Variants in SV2B observed in about 807,000 individuals in gnomAD.
SV2B encodes solute carrier family 22 member B2.
Under a neutral mutation model 73.9 loss-of-function variants are expected in SV2B, and 41 were observed. That is an observed-to-expected ratio of 0.56 (90% CI 0.43 to 0.72). The LOEUF is 0.72. Among genes scored for constraint, SV2B ranks in the 30% least tolerant of loss-of-function variants. The pLI is 0.00. For missense variants in SV2B, 764 were observed against 857.8 expected (o/e 0.89, Z 1.37); for synonymous variants, 314 against 314.2 (o/e 1.00, Z 0.01).
chr15:91,143,296 T>C (rs2043050536), intron 1 of SV2B, among the ~76,000 whole-genome samples: 3 of 152,214 alleles, frequency 2.0e-5, no homozygotes, highest in South Asian at 2.1e-4. Context: ...TCAGTATGTC[T>C]AGAACGGCTC....
chr15:91,120,899 C>T (rs1447715612), intron 1 of SV2B, among the ~76,000 whole-genome samples: 1 of 151,782 alleles, frequency 6.6e-6, no homozygotes, highest in Non-Finnish European at 1.5e-5. Context: ...TCTTTAAATT[C>T]AATATCTCAT....
chr15:91,210,855 C>T (rs1305743864), intron 1 of SV2B, among the ~76,000 whole-genome samples: 1 of 152,194 alleles, frequency 6.6e-6, no homozygotes, highest in Non-Finnish European at 1.5e-5. Context: ...GTCTACTGTT[C>T]TTAGGCTTAT....
At chr15:91,142,766 A>G (rs1488342141) in intron 1 of SV2B, among the ~76,000 whole-genome samples, 1 of 152,210 alleles carries the variant, frequency 6.6e-6, no homozygotes, top group Non-Finnish European at 1.5e-5. Context: ...TTAAAAACCT[A>G]TATTCTTTGC....
chr15:91,212,941 G>C (rs566144580), intron 1 of SV2B, among the ~76,000 whole-genome samples: 1 of 150,188 alleles, frequency 6.7e-6, no homozygotes, highest in East Asian at 1.9e-4. Context: ...AGGAGTTTGA[G>C]ACCAGCCTGG....
chr15:91,134,026 T>C lies in SV2B; in HGVS notation c.-392+33663T>C, dbSNP rs1414384888. Among the ~76,000 whole-genome samples the C allele has an allele frequency of 6.9e-5, 10 of 145,002 alleles. 1 individual carries two copies. The highest frequency in any genetic ancestry group is 6.8e-4 in the Admixed American group (10 of 14,746). On this transcript the variant is annotated intron_variant, in intron 1 of 12. Transcript: ENST00000394232. Reference sequence around the variant, plus strand: ...TTCCTTTTTTTTTTTTGAGATGGAGTCTTGCTCTGTCTCCTAGGCTGGAGT... The same window carrying C: ...TTCCTTTTTTTTTTTTGAGATGGAGCCTTGCTCTGTCTCCTAGGCTGGAGT...
chr15:91,161,700 G>A (rs2043724409), intron 1 of SV2B, among the ~76,000 whole-genome samples: 2 of 152,136 alleles, frequency 1.3e-5, no homozygotes, highest in Admixed American at 1.3e-4. Flanking sequence ...GCGCTAAGTG[G>A]CAGAGCCAGG....
chr15:91,201,412 G>C (rs186037822), intron 1 of SV2B, among the ~76,000 whole-genome samples: 5 of 152,362 alleles, frequency 3.3e-5, no homozygotes, highest in Admixed American at 3.3e-4. Context: ...AGATGAGAAT[G>C]ATGAAGCCCA....
intron 1 of SV2B, among the ~76,000 whole-genome samples, chr15:91,138,780 T>C (rs139313805): frequency 4.6e-5 from 7 of 152,268 alleles, no homozygotes; most frequent in Admixed American, 3.9e-4. Flanking sequence ...CATCCATGGG[T>C]TTTGTTACCT....
intron 6 of SV2B, among the ~76,000 whole-genome samples, chr15:91,263,954 T>G (rs1209799880): frequency 6.6e-6 from 1 of 152,254 alleles, no homozygotes; most frequent in African/African-American, 2.4e-5. Context: ...GAGAGTGTCT[T>G]TCTGGGATTT....
Position 91,139,904 on chromosome 15 carries a change from T to G in SV2B, c.-392+39541T>G, listed in dbSNP as rs1406690142. On this transcript the variant is annotated intron_variant, in intron 1 of 12. Coordinates refer to ENST00000394232, the MANE Select transcript of SV2B (RefSeq NM_001323032.3). The surrounding 1 kb of genome is among the most constrained non-coding windows in gnomAD (Gnocchi z 5.2). ...AGGAAGGGAGGAAGATCCGGCCACTTTGTTCCTAGAGTTTGGTGAGAGTGA... is the reference window on the plus strand; with the variant it reads ...AGGAAGGGAGGAAGATCCGGCCACTGTGTTCCTAGAGTTTGGTGAGAGTGA... Among the ~76,000 whole-genome samples, 1 of 152,210 alleles carries G rather than the reference T, an allele frequency of 6.6e-6. No individual in the cohort carries two copies. The highest frequency in any genetic ancestry group is 6.5e-5 in the Admixed American group (1 of 15,276).
In SV2B at chr15:91,147,275, C is replaced by T. The variant is rs551802998; in HGVS notation, c.-392+46912C>T. Among the ~76,000 whole-genome samples the T allele has an allele frequency of 6.6e-5, 10 of 152,354 alleles. No individual in the cohort carries two copies. The South Asian group carries it at 2.1e-3, about 32-fold the overall frequency. On this transcript the variant is annotated intron_variant, in intron 1 of 12. Transcript: ENST00000394232. ...TCAAAGCCTACCACCTAGAATTACA[C>T]TATCCCTTCCTGCAGGTCCTTCTGA... is the stretch of plus-strand genomic sequence containing the variant.
chr15:91,157,803 C>G (rs549283389), intron 1 of SV2B, among the ~76,000 whole-genome samples: 7 of 152,308 alleles, frequency 4.6e-5, no homozygotes, highest in Admixed American at 3.9e-4. Context: ...GTGTATTAGT[C>G]TGGCATTCAG....
At chr15:91,153,952 T>TA (rs2043400317) in intron 1 of SV2B, among the ~76,000 whole-genome samples, 2 of 151,986 alleles carry the variant, frequency 1.3e-5, no homozygotes, top group Admixed American at 6.6e-5. Flanking sequence ...ACATCCCAAC[T>TA]AAGGGAGACA....
chr15:91,126,216 G>A (rs889843956), intron 1 of SV2B, among the ~76,000 whole-genome samples: 14 of 152,204 alleles, frequency 9.2e-5, no homozygotes, highest in African/African-American at 3.4e-4. Context: ...CTGTGCACCT[G>A]AGGGCAGCAG....
chr15:91,180,652 G>A (rs1373379025), intron 1 of SV2B, among the ~76,000 whole-genome samples: 1 of 151,780 alleles, frequency 6.6e-6, no homozygotes, highest in African/African-American at 2.4e-5. Context: ...TTCATCTTCC[G>A]TCACTGAAAC....
At chr15:91,219,024 C>T (rs1157460173) in intron 1 of SV2B, among the ~76,000 whole-genome samples, 2 of 152,184 alleles carry the variant, frequency 1.3e-5, no homozygotes, top group East Asian at 1.9e-4. Flanking sequence ...CTGCAACCTC[C>T]GCCTCCCGGG....
chr15:91,215,768 C>A (rs2046004322), intron 1 of SV2B, among the ~76,000 whole-genome samples: 1 of 151,912 alleles, frequency 6.6e-6, no homozygotes, highest in South Asian at 2.1e-4. Flanking sequence ...ATTTACCTAA[C>A]CCTTGTTATG....
In SV2B at chr15:91,245,672, C is replaced by T. The variant is rs146136532; in HGVS notation, c.452-6147C>T. On this transcript the variant is annotated intron_variant, in intron 2 of 12. Transcript: ENST00000394232. This position sits in a 1 kb window ranked among gnomAD's most constrained non-coding sequence, Gnocchi z 4.2. ...CTCCTCAAGCAAAATCAACATGGTC[C>T]CTTCGTCCAGGAGTTTACAGTCACA... Among the ~76,000 whole-genome samples the T allele has an allele frequency of 1.8e-3, 278 of 152,198 alleles. 1 individual carries two copies. The highest frequency in any genetic ancestry group is 6.1e-3 in the African/African-American group (254 of 41,508).
intron 9 of SV2B, among the ~76,000 whole-genome samples, chr15:91,270,510 A>G (rs2048257012): frequency 6.6e-6 from 1 of 152,194 alleles, no homozygotes; most frequent in South Asian, 2.1e-4. Flanking sequence ...ACTCTTGACA[A>G]CTACAAATAT....
Sources: gnomAD v4.1 joint callset for allele counts (sites outside exome capture counted in the v4.1 genomes callset) on GRCh38, gnomAD v4.1.1 for gene constraint, Gnocchi (gnomAD v3.1) non-coding constraint, MANE v1.5 for transcripts, NCBI Gene and HGNC (gene_info 2026-07-23, HGNC 2026-07-21) for gene names.